DCTN4: variants seen among roughly 807,000 people sequenced by gnomAD.
DCTN4 encodes the protein dynactin subunit 4.
A neutral mutation model predicts 62.7 loss-of-function variants in DCTN4; 23 were observed. The ratio of observed to expected loss-of-function variants is 0.37; its 90% CI spans 0.26 to 0.52. The LOEUF (loss-of-function observed/expected upper bound fraction) is 0.52. DCTN4 is among the 20% of genes least tolerant of loss of function. The pLI is 0.92. For missense variants in DCTN4, 514 were observed against 580.4 expected, an observed-to-expected ratio of 0.89 and a Z score of 1.18; for synonymous variants, 199 against 202.1, an observed-to-expected ratio of 0.98 and a Z score of 0.13.
At chr5:150,758,560 C>T (rs894210757) in intron 1 of DCTN4, 6 of 1,123,540 alleles carry the variant, frequency 5.3e-6, no homozygotes, top group Admixed American at 8.9e-5. Flanking sequence ...CACCCCCAGA[C>T]CTTTCTCCGT....
At position 150,751,172 on chromosome 5, in the gene DCTN4, C is replaced by T. The variant is rs138187255; in HGVS notation, c.385+2307G>A. ...AATAATCTCATTGTAAGTTTTTCTC[C>T]GTACATTACAGACAAGTACTTATAA... On this transcript the variant is annotated intron_variant, in intron 3 of 12. Transcript: ENST00000447998. Among the ~76,000 whole-genome samples, 137 of 152,110 alleles carry T rather than the reference C, an allele frequency of 9.0e-4. No individual in the cohort carries two copies. The East Asian group carries it at 0.026, about 28-fold the overall frequency.
intron 3 of DCTN4, among the ~76,000 whole-genome samples, chr5:150,753,120 C>T (rs1196195001): frequency 1.3e-5 from 2 of 152,204 alleles, no homozygotes; most frequent in Non-Finnish European, 2.9e-5. Context: ...CCGCCTCAAC[C>T]TCCCAAAGTG....
rs144177948 is a variant in DCTN4, at chr5:150,755,128, C to T, written c.206+1289G>A. On this transcript the variant is annotated intron_variant, in intron 2 of 12. Coordinates refer to ENST00000447998, the MANE Select transcript of DCTN4 (RefSeq NM_016221.4). ...AGTCAACTGAAAGAGCTCCCAATGG[C>T]CAAAGCTGAAATAATTTGAGCAAAA... Among the ~76,000 whole-genome samples the T allele has an allele frequency of 4.5e-3, 678 of 151,976 alleles. 4 individuals carry two copies. The highest frequency in any genetic ancestry group is 0.016 in the African/African-American group (650 of 41,416).
At chr5:150,723,314 G>A (rs1397104289) in intron 8 of DCTN4, among the ~76,000 whole-genome samples, 2 of 152,216 alleles carry the variant, frequency 1.3e-5, no homozygotes, top group East Asian at 1.9e-4. Flanking sequence ...TTATGAGCTA[G>A]GTATAGGTAT....
intron 4 of DCTN4, among the ~76,000 whole-genome samples, chr5:150,735,075 C>T (rs1045183712): frequency 5.9e-5 from 9 of 152,290 alleles, no homozygotes; most frequent in Middle Eastern, 3.4e-3. Flanking sequence ...AGACTGTAAA[C>T]TCTTGGGAGC....
In DCTN4 at chr5:150,730,677, T is replaced by C. The variant is rs35772018; in HGVS notation, c.788A>G (p.Tyr263Cys). Reference sequence around the variant, plus strand: ...GATCAGAAGATGTTTGTGGCGAGGATAGAGCTGTGAAGCACAGACTGGCTG... The same window carrying C: ...GATCAGAAGATGTTTGTGGCGAGGACAGAGCTGTGAAGCACAGACTGGCTG... ...DFQPVCASQL[Y>C]PRHKHLLIKR... Residue 263 changes from tyrosine (Y) to cysteine (C), a missense_variant, in exon 8 of 13, where the codon TAT (tyrosine) becomes TGT (cysteine). Tyr to Cys is a radical substitution (Grantham distance 194). Transcript: ENST00000447998. 0.016 allele frequency: 26,451 copies of C among 1,614,058 alleles called. 250 individuals carry two copies. The highest frequency in any genetic ancestry group is 0.019 in the Non-Finnish European group (22,616 of 1,179,958).
Position 150,711,129 on chromosome 5 carries a change from C to T in DCTN4, c.*20G>A. The T allele has an allele frequency of 6.2e-7, 1 of 1,608,722 alleles. No homozygotes were observed. ...TTACGGTGATACTGTCCTTTGGGAT[C>T]TGCCCTCCAGTGGAACCTTTTAAGG... On this transcript the variant is annotated 3_prime_UTR_variant, in exon 13 of 13. Transcript: ENST00000447998.
intron 3 of DCTN4, among the ~76,000 whole-genome samples, chr5:150,751,604 G>T (rs1308801229): frequency 6.6e-6 from 1 of 152,028 alleles, no homozygotes; most frequent in East Asian, 1.9e-4. Context: ...CTCCTATACT[G>T]ACACTAAAAC....
intron 3 of DCTN4, among the ~76,000 whole-genome samples, chr5:150,745,263 C>T (rs946483146): frequency 4.7e-5 from 7 of 150,438 alleles, no homozygotes; most frequent in Non-Finnish European, 8.8e-5. Flanking sequence ...TATATGCACC[C>T]AATACAGGAG....
At chr5:150,736,547 A>G (rs1161986289) in intron 4 of DCTN4, among the ~76,000 whole-genome samples, 1 of 152,210 alleles carries the variant, frequency 6.6e-6, no homozygotes, top group Non-Finnish European at 1.5e-5. Flanking sequence ...TCTTTTTCAG[A>G]CACACAAATG....
At position 150,755,586 on chromosome 5, in the gene DCTN4, C is replaced by A. The variant is rs975817770; in HGVS notation, c.206+831G>T. 8.8e-6 allele frequency: 4 copies of A among 456,238 alleles called. No homozygotes were observed. The Admixed American group carries it at 9.4e-5, about 11-fold the overall frequency. 28.3% of individuals were successfully genotyped at this position (456,238 alleles called of 1,614,324 possible). A position where few individuals can be genotyped will look rare whatever the true frequency, so the allele number is the denominator to read the frequency against. ...CCCTAGTCTGATGAGAAAAAAACAT[C>A]ATGCAAATCCTAATGAAATGACATT... On this transcript the variant is annotated intron_variant, in intron 2 of 12. Transcript: ENST00000447998.
intron 12 of DCTN4, 54 bp downstream of exon 12, chr5:150,715,510 TG>T: frequency 7.4e-7 from 1 of 1,350,170 alleles, no homozygotes; most frequent in Non-Finnish European, 1.1e-6. Context: ...TGGATATAAG[TG>T]GGCATTCTAT....
At chr5:150,758,792 G>A (rs1752954418) in intron 1 of DCTN4, 67 bp downstream of exon 1, 14 of 1,583,296 alleles carry the variant, frequency 8.8e-6, no homozygotes, top group Non-Finnish European at 1.2e-5. Flanking sequence ...GCCTTCCGGT[G>A]GCAGTGACTA....
chr5:150,720,481 A>ATT (rs57503750), intron 9 of DCTN4, among the ~76,000 whole-genome samples: 10 of 139,422 alleles, frequency 7.2e-5, no homozygotes, highest in Admixed American at 3.6e-4. Context: ...AGAGCTCTGT[A>ATT]TTTTTTTTTT....
chr5:150,758,425 T>C, intron 1 of DCTN4: 1 of 990,620 alleles, frequency 1.0e-6, no homozygotes, highest in Non-Finnish European at 1.2e-6. Context: ...GCCCAGTTTC[T>C]GGACAAAAGA....
In DCTN4 at chr5:150,758,823, C is replaced by G. The variant is rs772460362; in HGVS notation, c.135+36G>C. 9.3e-6 allele frequency: 15 copies of G among 1,606,430 alleles called. No individual in the cohort carries two copies. The South Asian group carries it at 1.1e-4, about 12-fold the overall frequency. On this transcript the variant is annotated intron_variant, in intron 1 of 12. Coordinates refer to ENST00000447998, the MANE Select transcript of DCTN4 (RefSeq NM_016221.4). ...GACTAGCATGAACGCCGCGCCCCCC[C>G]CACCCCACATACTCGCTATAGGGCG...
intron 11 of DCTN4, among the ~76,000 whole-genome samples, chr5:150,717,425 T>G (rs1759801418): frequency 6.6e-6 from 1 of 152,090 alleles, no homozygotes; most frequent in Non-Finnish European, 1.5e-5. Context: ...AATTTTTGTA[T>G]TTTAGTAGAG....
chr5:150,749,668 A>T (rs921129590), intron 3 of DCTN4, among the ~76,000 whole-genome samples: 1 of 152,096 alleles, frequency 6.6e-6, no homozygotes, highest in Non-Finnish European at 1.5e-5. Flanking sequence ...AAAATAAAAA[A>T]AAATAAAAAT....
intron 10 of DCTN4, among the ~76,000 whole-genome samples, chr5:150,719,109 C>T (rs1399938201): frequency 1.3e-5 from 2 of 152,164 alleles, no homozygotes; most frequent in Non-Finnish European, 2.9e-5. Context: ...TATGAGCCAC[C>T]GTGCCCGACC....
Sources: allele counts gnomAD v4.1 joint callset (sites outside exome capture counted in the v4.1 genomes callset), GRCh38; gene constraint gnomAD v4.1.1; transcripts MANE v1.5; gene names NCBI Gene and HGNC (gene_info 2026-07-23, HGNC 2026-07-21).